UST: variants seen among roughly 807,000 people sequenced by gnomAD.
UST encodes chondroitin sulfate 2-O-sulfotransferase.
UST carries 21 observed loss-of-function variants against 45.6 expected under a neutral mutation model. That is an observed-to-expected ratio of 0.46 (90% CI 0.33 to 0.66). UST has a LOEUF of 0.66. Ranked by LOEUF, UST falls within the 30% of genes least tolerant of loss-of-function variation. The pLI, the probability that UST is intolerant of heterozygous loss-of-function variation, is 0.02. For synonymous variants in UST, 215 were observed against 200.6 expected (o/e 1.07, Z -0.61); for missense variants, 463 against 512.4 (o/e 0.90, Z 0.93).
chr6:148,767,040 G>A (rs1184266597), intron 1 of UST, among the ~76,000 whole-genome samples: 2 of 152,188 alleles, frequency 1.3e-5, no homozygotes, highest in African/African-American at 4.8e-5. Flanking sequence ...GATGTAGCAG[G>A]TCTGGAACTG....
chr6:148,854,765 C>T (rs1778170524), intron 1 of UST, among the ~76,000 whole-genome samples: 1 of 152,004 alleles, frequency 6.6e-6, no homozygotes, highest in Non-Finnish European at 1.5e-5. Context: ...AAACTTGGGT[C>T]AAGAGGGTAG....
At chr6:148,775,353 G>A (rs1776510329) in intron 1 of UST, among the ~76,000 whole-genome samples, 1 of 152,170 alleles carries the variant, frequency 6.6e-6, no homozygotes, top group African/African-American at 2.4e-5. Flanking sequence ...AGAAGGGGAA[G>A]TTAGGATGGA....
intron 1 of UST, among the ~76,000 whole-genome samples, chr6:148,757,311 T>C (rs1171111221): frequency 6.6e-6 from 1 of 152,250 alleles, no homozygotes; most frequent in South Asian, 2.1e-4. Context: ...TGCAAACTTC[T>C]TGTTACTTGT....
chr6:148,913,268 G>A (rs1293546037), intron 2 of UST, among the ~76,000 whole-genome samples: 1 of 152,088 alleles, frequency 6.6e-6, no homozygotes, highest in East Asian at 1.9e-4. Flanking sequence ...AATTGATTCT[G>A]ATGTTCTGAC....
At chr6:148,881,808 C>A (rs986595210) in intron 1 of UST, among the ~76,000 whole-genome samples, 1 of 151,960 alleles carries the variant, frequency 6.6e-6, no homozygotes. Flanking sequence ...CAGCACTCAT[C>A]CTTTGATCTC....
chr6:148,944,662 T>G lies in UST; in HGVS notation c.447+3228T>G, dbSNP rs1780199061. Among the ~76,000 whole-genome samples the G allele has an allele frequency of 2.0e-5, 3 of 152,326 alleles. No individual in the cohort carries two copies. In the South Asian group the frequency reaches 6.2e-4, roughly 32 times the overall value. ...ATGCCTATAAAAATCCCACTACATC[T>G]GTCCTTATAAAAATAGAAATACCTT... is the stretch of plus-strand genomic sequence containing the variant. On this transcript the variant is annotated intron_variant, in intron 3 of 7. Transcript: ENST00000367463.
chr6:148,933,617 G>C (rs367961763), intron 2 of UST, among the ~76,000 whole-genome samples: 12 of 152,276 alleles, frequency 7.9e-5, no homozygotes, highest in African/African-American at 2.9e-4. Flanking sequence ...TTCTGAGATC[G>C]GTTCTGTGTA....
At chr6:148,886,562 G>A (rs1443249340) in intron 1 of UST, among the ~76,000 whole-genome samples, 2 of 152,126 alleles carry the variant, frequency 1.3e-5, no homozygotes, top group East Asian at 1.9e-4. Context: ...GTTCAGGACC[G>A]GCAGCATCAG....
At chr6:149,008,896 A>G (rs1377064615) in intron 5 of UST, among the ~76,000 whole-genome samples, 1 of 152,252 alleles carries the variant, frequency 6.6e-6, no homozygotes, top group African/African-American at 2.4e-5. Flanking sequence ...CACTGGTTAT[A>G]AACGCTACCA....
At chr6:148,930,331 G>A (rs999709067) in intron 2 of UST, among the ~76,000 whole-genome samples, 1 of 152,196 alleles carries the variant, frequency 6.6e-6, no homozygotes, top group African/African-American at 2.4e-5. Flanking sequence ...CTATGTGCCA[G>A]GCATTGAGCT....
In UST at chr6:149,030,263, T is replaced by A. The variant is rs146254346; in HGVS notation, c.937+8782T>A. 5.3e-5 allele frequency among the ~76,000 whole-genome samples: 8 copies of A among 152,314 alleles called. No individual in the cohort carries two copies. In the South Asian group the frequency reaches 1.2e-3, roughly 24 times the overall value. On this transcript the variant is annotated intron_variant, in intron 7 of 7. Transcript: ENST00000367463. ...CATAAATCTGTGATTCCTCTAAAAC[T>A]CTTCTTTATATTTAATCATTAATTC...
intron 5 of UST, among the ~76,000 whole-genome samples, chr6:148,982,253 C>T (rs1171736116): frequency 1.3e-5 from 2 of 152,090 alleles, no homozygotes. Context: ...CGTGCACCAC[C>T]ACACCTGGCT....
At chr6:148,956,531 C>T (rs1445603200) in intron 4 of UST, among the ~76,000 whole-genome samples, 1 of 152,174 alleles carries the variant, frequency 6.6e-6, no homozygotes, top group Admixed American at 6.5e-5. Context: ...ATGGGAATTA[C>T]AGATGTACAA....
intron 1 of UST, among the ~76,000 whole-genome samples, chr6:148,865,704 GT>G (rs1409041709): frequency 0.023 from 3,381 of 146,984 alleles, 61 homozygotes; most frequent in East Asian, 0.07. Flanking sequence ...GTGTGTGTGT[GT>G]GTGTGTGTGA....
chr6:148,829,398 T>C (rs2114756332), intron 1 of UST, among the ~76,000 whole-genome samples: 1 of 152,268 alleles, frequency 6.6e-6, no homozygotes, highest in Admixed American at 6.5e-5. Flanking sequence ...ATCTGGAAAA[T>C]GCAGAAATCT....
intron 7 of UST, among the ~76,000 whole-genome samples, chr6:149,029,467 A>AATG (rs1438094750): frequency 7.0e-6 from 1 of 143,602 alleles, no homozygotes; most frequent in African/African-American, 2.6e-5. Context: ...ATTATATATT[A>AATG]TATATATAAT....
At chr6:148,898,762 T>G (rs370344609) in intron 2 of UST, among the ~76,000 whole-genome samples, 8 of 152,216 alleles carry the variant, frequency 5.3e-5, no homozygotes, top group Admixed American at 1.3e-4. Context: ...TCTTTTAGTA[T>G]CTTCCCCACC....
At chr6:148,794,968 A>G (rs1776920573) in intron 1 of UST, among the ~76,000 whole-genome samples, 1 of 152,164 alleles carries the variant, frequency 6.6e-6, no homozygotes, top group Admixed American at 6.5e-5. Context: ...TCCACGTTCT[A>G]AGGAAAGGCA....
intron 2 of UST, among the ~76,000 whole-genome samples, chr6:148,920,772 C>CA (rs1779688807): frequency 1.3e-5 from 2 of 152,222 alleles, no homozygotes; most frequent in Admixed American, 6.5e-5. Flanking sequence ...TCAACCTACT[C>CA]ACTCGTCTCT....
Sources: allele counts gnomAD v4.1 joint callset (sites outside exome capture counted in the v4.1 genomes callset), GRCh38; gene constraint gnomAD v4.1.1; transcripts MANE v1.5; gene names NCBI Gene and HGNC (gene_info 2026-07-23, HGNC 2026-07-21).